Variants in ZNF454 observed in about 807,000 individuals in gnomAD.
ZNF454 encodes the protein zinc finger protein 454.
ZNF454 carries 30 observed loss-of-function variants against 48.2 expected under a neutral mutation model. The ratio of observed to expected loss-of-function variants is 0.62; its 90% CI spans 0.47 to 0.84. The LOEUF (loss-of-function observed/expected upper bound fraction) is 0.84, where lower values mean the gene tolerates loss of function less well. Ranked by LOEUF, ZNF454 falls within the 40% of genes least tolerant of loss-of-function variation. The probability of loss-of-function intolerance (pLI) is 0.00; values close to 1 mark genes in which losing one functional copy is unlikely to be tolerated. For synonymous variants in ZNF454, 204 were observed against 211.4 expected (o/e 0.97, Z 0.30); for missense variants, 510 against 623.1 (o/e 0.82, Z 1.93).
At chr5:178,974,673 C>T in the ZNF454 span, among the ~76,000 whole-genome samples, 6 of 152,038 alleles carry the variant, frequency 3.9e-5, no homozygotes, top group South Asian at 2.1e-4. Context: ...ATTGAGCACT[C>T]GTTATGAGCC....
chr5:178,961,046 T>G (rs561553685), intron 4 of ZNF454, among the ~76,000 whole-genome samples: 44 of 151,266 alleles, frequency 2.9e-4, no homozygotes, highest in Non-Finnish European at 6.0e-4. Flanking sequence ...TTCTTCTGAC[T>G]CAGCCTCCCA....
chr5:178,955,973 A>T (rs935454185), intron 4 of ZNF454, among the ~76,000 whole-genome samples: 5 of 152,134 alleles, frequency 3.3e-5, no homozygotes, highest in African/African-American at 1.2e-4. Context: ...GTCTGCCTCC[A>T]GGGACTAAAC....
At chr5:178,985,217 T>C in the ZNF454 span, 7 of 454,492 alleles carry the variant, frequency 1.5e-5, no homozygotes, top group Admixed American at 7.1e-5. Flanking sequence ...CCTGTTTCCA[T>C]ATGTGAGCCA....
chr5:178,985,633 G>T, the ZNF454 span: 1 of 374,046 alleles, frequency 2.7e-6, no homozygotes, highest in Non-Finnish European at 5.2e-6. Flanking sequence ...AACCCGGAAG[G>T]CAGAGCTTGC....
the ZNF454 span, chr5:178,985,346 T>C: frequency 1.1e-5 from 5 of 437,234 alleles, no homozygotes; most frequent in African/African-American, 1.0e-4. Flanking sequence ...GCAGGGGAGA[T>C]GGCGGCCCTA....
At chr5:178,957,661 A>G (rs934604198) in intron 4 of ZNF454, among the ~76,000 whole-genome samples, 25 of 152,206 alleles carry the variant, frequency 1.6e-4, no homozygotes, top group African/African-American at 5.3e-4. Context: ...AGGTAGGGGT[A>G]GGTCTCCTTA....
At chr5:178,987,149 A>G in the ZNF454 span, 62 of 752,544 alleles carry the variant, frequency 8.2e-5, no homozygotes, top group Admixed American at 1.1e-3. Flanking sequence ...ACCCATTGGG[A>G]TGGCTTCTAG....
chr5:178,983,435 C>T, the ZNF454 span: 38 of 698,742 alleles, frequency 5.4e-5, no homozygotes, highest in South Asian at 4.0e-4. Context: ...TCCAAAGGCC[C>T]GTGACCTGGC....
intron 2 of ZNF454, among the ~76,000 whole-genome samples, chr5:178,943,310 T>C (rs1759184784): frequency 6.6e-6 from 1 of 152,020 alleles, no homozygotes; most frequent in South Asian, 2.1e-4. Context: ...AGCAGGTGTA[T>C]CACACGGTGA....
the ZNF454 span, chr5:178,981,905 C>T: frequency 2.7e-6 from 3 of 1,110,994 alleles, no homozygotes; most frequent in Non-Finnish European, 2.8e-6. The surrounding 1 kb of genome is among the most constrained non-coding windows in gnomAD (Gnocchi z 5.1). Flanking sequence ...CTCTCCCTGC[C>T]CCGCTCCACA....
In ZNF454 at chr5:178,964,752, C is replaced by A; in HGVS notation, c.348C>A (p.Ser116Arg). 1 of 1,614,170 alleles carries A rather than the reference C, an allele frequency of 6.2e-7. No homozygotes were observed. The highest frequency in any genetic ancestry group is 8.5e-7 in the Non-Finnish European group (1 of 1,180,018). ...GGACAATAAAGGAAAGATTCAGTAG[C>A]AGTAGTCACTGGAAGTGTGCTAGCC... ...DQWTIKERFS[S>R]SSHWKCASLL... The change falls in exon 5 of 5, where the codon AGC (serine) becomes AGA (arginine). Residue 116 changes from serine to arginine, a missense_variant. Ser to Arg is a moderately radical substitution (Grantham distance 110). Coordinates refer to ENST00000519564, the MANE Select transcript of ZNF454 (RefSeq NM_001178089.3).
chr5:178,964,666 A>G lies in ZNF454; in HGVS notation c.262A>G (p.Met88Val), dbSNP rs759136852. The change falls in exon 5 of 5, where the codon ATG becomes GTG. Residue 88 changes from methionine (M) to valine (V), a missense_variant. Met to Val is a conservative substitution (Grantham distance 21). This residue lies in a region of ZNF454 where 354 missense variants were observed against 408.9 expected (regional missense o/e 0.87). Coordinates refer to ENST00000519564, the MANE Select transcript of ZNF454 (RefSeq NM_001178089.3). ...TTAATGTCTTTCAGACTGGATGACT[A>G]TGCCTGCCAGTAAGAAATCTACTGT... ...PGGFCLDWMT[M>V]PASKKSTVKA... 5 of 1,612,412 alleles carry G rather than the reference A, an allele frequency of 3.1e-6. No individual in the cohort carries two copies. Among genetic ancestry groups the G allele is most frequent in the Admixed American group, 1.7e-5 (1 of 59,998 alleles).
the ZNF454 span, chr5:178,987,096 C>T: frequency 9.1e-7 from 1 of 1,103,974 alleles, no homozygotes; most frequent in Non-Finnish European, 1.3e-6. Flanking sequence ...CATCACTGCT[C>T]ATAAGGGACG....
chr5:178,945,450 ATG>A (rs760149663), intron 2 of ZNF454, among the ~76,000 whole-genome samples: 7 of 112,134 alleles, frequency 6.2e-5, no homozygotes, highest in Admixed American at 1.9e-4. Context: ...GTGTATGTGA[ATG>A]TGGGGGGGGT....
chr5:178,986,444 C>T, the ZNF454 span: 33 of 1,613,264 alleles, frequency 2.0e-5, no homozygotes, highest in Non-Finnish European at 2.8e-5. Flanking sequence ...AAGGTGGCCA[C>T]CACCGTGGTA....
chr5:178,983,290 GC>G, the ZNF454 span: 1 of 1,359,510 alleles, frequency 7.4e-7, no homozygotes, highest in Non-Finnish European at 1.0e-6. Flanking sequence ...CCTGACAGAG[GC>G]CCCTGCGGGT....
At chr5:178,983,476 A>G in the ZNF454 span, 1 of 675,086 alleles carries the variant, frequency 1.5e-6, no homozygotes, top group African/African-American at 1.8e-5. Context: ...CCGCCCGTAT[A>G]TGTTGGCAAC....
At chr5:178,949,648 C>T (rs1051570900) in intron 4 of ZNF454, among the ~76,000 whole-genome samples, 16 of 151,840 alleles carry the variant, frequency 1.1e-4, no homozygotes, top group African/African-American at 2.9e-4. Flanking sequence ...GACAGAGTCT[C>T]GTTCTGTCAC....
the ZNF454 span, chr5:178,986,289 G>A: frequency 6.2e-7 from 1 of 1,614,062 alleles, no homozygotes; most frequent in Non-Finnish European, 8.5e-7. Context: ...GGCCCAGGAA[G>A]AGCCTGCGGG....
Sources: gnomAD v4.1 joint callset for allele counts (sites outside exome capture counted in the v4.1 genomes callset) on GRCh38, gnomAD v4.1.1 for gene constraint, gnomAD v4.1.1 regional missense constraint, Gnocchi (gnomAD v3.1) non-coding constraint, MANE v1.5 for transcripts, NCBI Gene and HGNC (gene_info 2026-07-23, HGNC 2026-07-21) for gene names.